Variants in LRRC69 observed in about 807,000 individuals in gnomAD.
LRRC69 encodes the protein leucine-rich repeat-containing protein 69.
Under a neutral mutation model 37.8 loss-of-function variants are expected in LRRC69, and 42 were observed. The ratio of observed to expected loss-of-function variants is 1.11; its 90% CI spans 0.87 to 1.44. LRRC69 has a LOEUF of 1.44. LRRC69 is among the 40% of genes most tolerant of loss of function. The pLI, the probability that LRRC69 is intolerant of heterozygous loss-of-function variation, is 0.00. For synonymous variants in LRRC69, 141 were observed against 143.1 expected, an observed-to-expected ratio of 0.99 and a Z score of 0.11; for missense variants, 357 against 401.9, an observed-to-expected ratio of 0.89 and a Z score of 0.96.
At chr8:91,129,394 C>T (rs1390394391) in intron 3 of LRRC69, among the ~76,000 whole-genome samples, 11 of 151,912 alleles carry the variant, frequency 7.2e-5, no homozygotes, top group African/African-American at 1.7e-4. Context: ...TTTGTGGAAT[C>T]GGGAACAATG....
chr8:91,140,896 G>A (rs1227111725), intron 5 of LRRC69, among the ~76,000 whole-genome samples: 1 of 128,342 alleles, frequency 7.8e-6, no homozygotes, highest in Non-Finnish European at 1.6e-5. Context: ...CTCGTGATCC[G>A]CCCGCCTCGG....
chr8:91,194,895 G>A lies in LRRC69; in HGVS notation c.753+5272G>A, dbSNP rs1278675219. On this transcript the variant is annotated intron_variant, in intron 6 of 7. Transcript: ENST00000448384. ...TCTTGCCTTCTGCTAGCTTTTGAATGTGTTTGCTCTTGCTTTTCTAGTTCT... is the reference window on the plus strand; with the variant it reads ...TCTTGCCTTCTGCTAGCTTTTGAATATGTTTGCTCTTGCTTTTCTAGTTCT... 2.0e-5 allele frequency among the ~76,000 whole-genome samples: 3 copies of A among 151,836 alleles called. No homozygotes were observed. In the East Asian group the frequency reaches 5.8e-4, roughly 29 times the overall value.
chr8:91,178,566 C>A (rs996488056), intron 5 of LRRC69, among the ~76,000 whole-genome samples: 7 of 152,174 alleles, frequency 4.6e-5, no homozygotes, highest in Non-Finnish European at 7.3e-5. Context: ...ATGTACTAGA[C>A]AACATTAGGC....
chr8:91,142,886 C>A (rs10956795), intron 5 of LRRC69, among the ~76,000 whole-genome samples: 78,312 of 151,744 alleles, frequency 0.52, 22,382 homozygotes, highest in South Asian at 0.7. Flanking sequence ...AGTTTGGGTT[C>A]TGAGAATTTC....
chr8:91,173,506 AT>A (rs1314552093), intron 5 of LRRC69, among the ~76,000 whole-genome samples: 1 of 152,178 alleles, frequency 6.6e-6, no homozygotes, highest in Non-Finnish European at 1.5e-5. Context: ...ATGTATGCCT[AT>A]TTTTACCGTC....
chr8:91,105,778 C>G (rs1327404519), intron 1 of LRRC69, among the ~76,000 whole-genome samples: 1 of 151,838 alleles, frequency 6.6e-6, no homozygotes, highest in Non-Finnish European at 1.5e-5. Context: ...CAGTTACCAG[C>G]TATATACAAG....
intron 1 of LRRC69, among the ~76,000 whole-genome samples, chr8:91,111,259 G>A (rs920328032): frequency 1.1e-4 from 17 of 152,078 alleles, no homozygotes; most frequent in African/African-American, 4.1e-4. Flanking sequence ...TATGGGCCAG[G>A]CACAGTGGCT....
chr8:91,158,832 A>G (rs867511224), intron 5 of LRRC69: 1 of 687,408 alleles, frequency 1.5e-6, no homozygotes, highest in Non-Finnish European at 2.7e-6. Flanking sequence ...GTAAAATAGA[A>G]TGTTACTTTG....
intron 5 of LRRC69, chr8:91,157,176 G>A: frequency 3.9e-6 from 3 of 778,438 alleles, no homozygotes; most frequent in Non-Finnish European, 6.7e-6. Flanking sequence ...TTTTGATAGG[G>A]ATTGCTTCGA....
chr8:91,127,543 A>T (rs1813739045), intron 3 of LRRC69, among the ~76,000 whole-genome samples: 1 of 145,672 alleles, frequency 6.9e-6, no homozygotes, highest in Admixed American at 7.2e-5. Context: ...AAAACTAAGG[A>T]TTTAAAACTG....
chr8:91,127,104 A>AAT lies in LRRC69; in HGVS notation c.328_329dup (p.Leu111SerfsTer5). ...TTCTAACAGATGGCTTACAAAATTTAATCCTGCTTAATCTGAACAACAATC... is the reference window on the plus strand; with the variant it reads ...TTCTAACAGATGGCTTACAAAATTTAATATCCTGCTTAATCTGAACAACAATC... On this transcript the variant is annotated frameshift_variant, in exon 3 of 8. Coordinates refer to ENST00000448384, the Ensembl canonical transcript of LRRC69. LOFTEE classifies it high-confidence loss of function. 1.3e-6 allele frequency: 2 copies of AAT among 1,547,780 alleles called. No individual in the cohort carries two copies. Among genetic ancestry groups the AAT allele is most frequent in the Non-Finnish European group, 1.7e-6 (2 of 1,145,806 alleles).
At chr8:91,130,999 CATA>C (rs1813799744) in intron 3 of LRRC69, among the ~76,000 whole-genome samples, 2 of 151,950 alleles carry the variant, frequency 1.3e-5, no homozygotes, top group Non-Finnish European at 2.9e-5. Context: ...GGCCCCATCT[CATA>C]ATACCATCAC....
chr8:91,196,089 C>G (rs1353609678), intron 6 of LRRC69, among the ~76,000 whole-genome samples: 1 of 151,958 alleles, frequency 6.6e-6, no homozygotes, highest in Non-Finnish European at 1.5e-5. Context: ...TATTTTATTT[C>G]TCCTTCACTT....
chr8:91,214,360 G>C (rs1020167229), intron 7 of LRRC69, among the ~76,000 whole-genome samples: 2 of 152,140 alleles, frequency 1.3e-5, no homozygotes, highest in Non-Finnish European at 2.9e-5. Flanking sequence ...CTCAGTTGGA[G>C]ACAGACTGGC....
chr8:91,161,611 C>G (rs1808946569), intron 5 of LRRC69, among the ~76,000 whole-genome samples: 1 of 151,120 alleles, frequency 6.6e-6, no homozygotes, highest in Non-Finnish European at 1.5e-5. Flanking sequence ...TCTAATGATC[C>G]TTTGCGTTCT....
chr8:91,198,487 T>C (rs1452486706), intron 6 of LRRC69, among the ~76,000 whole-genome samples: 1 of 152,238 alleles, frequency 6.6e-6, no homozygotes, highest in African/African-American at 2.4e-5. Context: ...TTCCAAAATG[T>C]ATCACTCCTA....
At chr8:91,187,157 T>C (rs181626766) in intron 5 of LRRC69, among the ~76,000 whole-genome samples, 18 of 152,306 alleles carry the variant, frequency 1.2e-4, no homozygotes, top group Non-Finnish European at 1.5e-5. Flanking sequence ...TGACATCACC[T>C]TCACATGCTC....
chr8:91,104,748 T>C (rs181746192), intron 1 of LRRC69, among the ~76,000 whole-genome samples: 6 of 152,146 alleles, frequency 3.9e-5, no homozygotes, highest in Non-Finnish European at 8.8e-5. Flanking sequence ...TTTCTTGGCT[T>C]GCTCTCTTAG....
intron 5 of LRRC69, among the ~76,000 whole-genome samples, chr8:91,176,134 A>ATATTTTTTTT: frequency 3.4e-4 from 26 of 75,702 alleles, no homozygotes; most frequent in South Asian, 1.2e-3. Context: ...ATATATATAT[A>ATATTTTTTTT]TTTTTTTTTT....
Sources: gnomAD v4.1 joint callset for allele counts (sites outside exome capture counted in the v4.1 genomes callset) on GRCh38, gnomAD v4.1.1 for gene constraint, MANE v1.5 for transcripts, NCBI Gene and HGNC (gene_info 2026-07-23, HGNC 2026-07-21) for gene names.